TMCO5A: variants seen among roughly 807,000 people sequenced by gnomAD.
TMCO5A encodes transmembrane and coiled-coil domains 5A.
A neutral mutation model predicts 42.3 loss-of-function variants in TMCO5A; 34 were observed. The observed-to-expected ratio is 0.80, with a 90% CI of 0.61 to 1.07. The LOEUF is 1.07. Among genes scored for constraint, TMCO5A ranks in the 50% least tolerant of loss-of-function variants. The pLI, the probability that TMCO5A is intolerant of heterozygous loss-of-function variation, is 0.00. For missense variants in TMCO5A, 357 were observed against 327.9 expected (o/e 1.09, Z -0.69); for synonymous variants, 131 against 115.6 (o/e 1.13, Z -0.86).
At chr15:37,942,981 GTCCTAGGAC>G (rs1889802704) in intron 9 of TMCO5A, 4 of 187,356 alleles carry the variant, frequency 2.1e-5, no homozygotes, top group Non-Finnish European at 3.3e-5. Context: ...ATAGTCCAGG[GTCCTAGGAC>G]TTGTAGGTCC....
the TMCO5A span, among the ~76,000 whole-genome samples, chr15:38,000,100 G>A: frequency 2.6e-5 from 4 of 152,128 alleles, 1 homozygote; most frequent in Admixed American, 2.6e-4. Flanking sequence ...ATTGGTTTTA[G>A]ATCATCTTTA....
the TMCO5A span, among the ~76,000 whole-genome samples, chr15:38,026,935 C>T: frequency 6.6e-6 from 1 of 152,198 alleles, no homozygotes; most frequent in Admixed American, 6.5e-5. Flanking sequence ...GGTTTGGGAA[C>T]CTCCGCCTAG....
chr15:37,997,393 TA>T, the TMCO5A span, among the ~76,000 whole-genome samples: 2 of 152,216 alleles, frequency 1.3e-5, no homozygotes, highest in Non-Finnish European at 2.9e-5. Flanking sequence ...GGCTTCTCTT[TA>T]AAAAGTAAAA....
At chr15:38,031,583 A>G in the TMCO5A span, among the ~76,000 whole-genome samples, 1 of 152,200 alleles carries the variant, frequency 6.6e-6, no homozygotes. Context: ...GCAGTGAAGA[A>G]CTGAAGCCTC....
the TMCO5A span, among the ~76,000 whole-genome samples, chr15:38,015,943 AG>A: frequency 1.3e-5 from 2 of 152,224 alleles, no homozygotes; most frequent in African/African-American, 4.8e-5. Context: ...GAGGATTTTT[AG>A]GGCAGTGAAA....
chr15:38,011,212 T>G, the TMCO5A span, among the ~76,000 whole-genome samples: 1 of 152,204 alleles, frequency 6.6e-6, no homozygotes, highest in East Asian at 1.9e-4. Context: ...GGCTGTGGTC[T>G]CATCTCAAGG....
chr15:37,951,064 C>T lies in TMCO5A; in HGVS notation c.697C>T (p.Leu233=). 1 of 1,612,530 alleles carries T rather than the reference C, an allele frequency of 6.2e-7. No homozygotes were observed. Among genetic ancestry groups the T allele is most frequent in the Non-Finnish European group, 8.5e-7 (1 of 1,179,806 alleles). ...KIFCCLFFIT[L]FFIRLLSYMF... ...TTTTTGCTGTCTCTTTTTCATCACCCTATTTTTCATCAGACTGCTGAGCTA... is the reference window on the plus strand; with the variant it reads ...TTTTTGCTGTCTCTTTTTCATCACCTTATTTTTCATCAGACTGCTGAGCTA... The change falls in exon 12 of 12, where the codon CTA becomes TTA. Residue 233 remains leucine (L), a synonymous_variant. Transcript: ENST00000319669.
chr15:37,990,222 C>T, the TMCO5A span, among the ~76,000 whole-genome samples: 1 of 152,138 alleles, frequency 6.6e-6, no homozygotes, highest in Non-Finnish European at 1.5e-5. Flanking sequence ...TGACAGTGAG[C>T]TATTAAAGTC....
the TMCO5A span, among the ~76,000 whole-genome samples, chr15:38,011,992 C>G: frequency 6.6e-6 from 1 of 152,002 alleles, no homozygotes; most frequent in South Asian, 2.1e-4. Context: ...GGCGCAGTGC[C>G]GGGTGCCTGT....
the TMCO5A span, among the ~76,000 whole-genome samples, chr15:37,984,564 C>T: frequency 1.3e-5 from 2 of 151,726 alleles, no homozygotes; most frequent in East Asian, 1.9e-4. Context: ...GGTTTGAATG[C>T]ATGTGTACTT....
chr15:38,004,244 G>A, the TMCO5A span, among the ~76,000 whole-genome samples: 1 of 152,036 alleles, frequency 6.6e-6, no homozygotes, highest in Non-Finnish European at 1.5e-5. Flanking sequence ...ACTCTGCCTG[G>A]TGCCCCATTC....
chr15:37,977,521 G>A, the TMCO5A span, among the ~76,000 whole-genome samples: 1 of 152,180 alleles, frequency 6.6e-6, no homozygotes, highest in Non-Finnish European at 1.5e-5. Flanking sequence ...TCCAGTAGAT[G>A]GCACTTAAGT....
intron 11 of TMCO5A, among the ~76,000 whole-genome samples, chr15:37,962,537 G>A (rs957447638): frequency 1.3e-5 from 2 of 151,992 alleles, no homozygotes; most frequent in Non-Finnish European, 2.9e-5. Context: ...TGGTATTAGG[G>A]TGATGCTGGC....
the TMCO5A span, among the ~76,000 whole-genome samples, chr15:38,007,779 G>A: frequency 3.8e-3 from 540 of 141,986 alleles, 4 homozygotes; most frequent in African/African-American, 0.014. Flanking sequence ...CTTTGGAATT[G>A]TTTAACAGAG....
the TMCO5A span, among the ~76,000 whole-genome samples, chr15:38,012,379 T>A: frequency 6.6e-6 from 1 of 152,180 alleles, no homozygotes; most frequent in African/African-American, 2.4e-5. Flanking sequence ...ATATTATCGA[T>A]TTTTTGAGCA....
At chr15:38,015,485 GC>G in the TMCO5A span, among the ~76,000 whole-genome samples, 2 of 152,130 alleles carry the variant, frequency 1.3e-5, no homozygotes, top group African/African-American at 4.8e-5. Context: ...TCTGGAATAT[GC>G]TTTGGCAGTT....
chr15:37,956,009 G>A (rs754000676), downstream of TMCO5A, among the ~76,000 whole-genome samples: 37 of 152,204 alleles, frequency 2.4e-4, no homozygotes, highest in Non-Finnish European at 3.8e-4. Flanking sequence ...GGTAAATAAC[G>A]AAATGAAGGT....
the TMCO5A span, among the ~76,000 whole-genome samples, chr15:38,021,540 G>A: frequency 6.6e-6 from 1 of 152,066 alleles, no homozygotes; most frequent in Non-Finnish European, 1.5e-5. Context: ...CATGGCCAGA[G>A]CTAACAGTCA....
At chr15:37,942,301 C>T (rs755402449) in intron 9 of TMCO5A, 46 bp downstream of exon 9, 1 of 1,582,770 alleles carries the variant, frequency 6.3e-7, no homozygotes. Context: ...GAAACTCCAT[C>T]TCAGCCTGAG....
Sources: allele counts gnomAD v4.1 joint callset (sites outside exome capture counted in the v4.1 genomes callset), GRCh38; gene constraint gnomAD v4.1.1; transcripts MANE v1.5; gene names NCBI Gene and HGNC (gene_info 2026-07-23, HGNC 2026-07-21).